Variants in VAC14 observed in about 807,000 individuals in gnomAD.
VAC14 encodes VAC14 component of PIKFYVE complex, also known as protein VAC14 homolog.
In VAC14, 47 loss-of-function variants were observed where a neutral mutation model predicts 85.3. That is an observed-to-expected ratio of 0.55 (90% CI 0.44 to 0.70). The LOEUF is 0.70. Among genes scored for constraint, VAC14 ranks in the 30% least tolerant of loss-of-function variants. VAC14 has a pLI of 0.00. For missense variants in VAC14, 861 were observed against 1,004.3 expected, an observed-to-expected ratio of 0.86 and a Z score of 1.93; for synonymous variants, 447 against 430.5, an observed-to-expected ratio of 1.04 and a Z score of -0.47.
chr16:70,723,930 C>G (rs941722346), intron 14 of VAC14, among the ~76,000 whole-genome samples: 1 of 152,186 alleles, frequency 6.6e-6, no homozygotes, highest in African/African-American at 2.4e-5. Flanking sequence ...TGGGGGTGAC[C>G]GCTGATTCAG....
rs897137130 is a variant in VAC14, at chr16:70,689,074, G to C, written c.2187-984C>G. The stretch of plus-strand genomic sequence containing the variant: ...AGATGCCAATCGGCGGGGCCGGGAA[G>C]GGGGGTGCAGGCACTGGCAGAGCAC... On this transcript the variant is annotated intron_variant, in intron 18 of 18. Transcript: ENST00000261776. 5 of 984,038 alleles carry C rather than the reference G, an allele frequency of 5.1e-6. No individual in the cohort carries two copies. The African/African-American group carries it at 5.2e-5, about 10-fold the overall frequency. The allele number at this position is 984,038 out of a possible 1,614,324, so 61.0% of individuals were successfully genotyped here. A position where few individuals can be genotyped will look rare whatever the true frequency, so the allele number is the denominator to read the frequency against.
chr16:70,753,732 A>AT (rs2031596184), intron 12 of VAC14, among the ~76,000 whole-genome samples: 1 of 152,170 alleles, frequency 6.6e-6, no homozygotes, highest in African/African-American at 2.4e-5. Context: ...AAGCAGCTGG[A>AT]TTTTAAAAGC....
At chr16:70,750,826 C>T (rs1425523843) in intron 12 of VAC14, among the ~76,000 whole-genome samples, 1 of 152,060 alleles carries the variant, frequency 6.6e-6, no homozygotes, top group African/African-American at 2.4e-5. Flanking sequence ...TAGGAGACCT[C>T]GGTGTGGAAA....
intron 14 of VAC14, among the ~76,000 whole-genome samples, chr16:70,701,517 G>A (rs966342697): frequency 2.6e-5 from 4 of 151,924 alleles, no homozygotes; most frequent in Non-Finnish European, 5.9e-5. Context: ...CAACCTACAC[G>A]GCCACCCTGC....
intron 12 of VAC14, 38 bp from the exon 13 acceptor site, chr16:70,744,617 G>C: frequency 1.3e-6 from 2 of 1,552,244 alleles, no homozygotes; most frequent in Non-Finnish European, 1.7e-6. Flanking sequence ...TGAGCTCTCC[G>C]CTGAGAGCTG....
chr16:70,689,668 T>C (rs893386753), intron 18 of VAC14: 5 of 985,494 alleles, frequency 5.1e-6, no homozygotes, highest in East Asian at 1.1e-4. Context: ...GGCTGCTGCT[T>C]TTCTGGGCCT....
At position 70,689,408 on chromosome 16, in the gene VAC14, G is replaced by A. The variant is rs115743713; in HGVS notation, c.2187-1318C>T. 1,715 of 985,360 alleles carry A rather than the reference G, an allele frequency of 1.7e-3. 2 individuals carry two copies. The highest frequency in any genetic ancestry group is 2.0e-3 in the Non-Finnish European group (1,619 of 829,846). The allele number at this position is 985,360 out of a possible 1,614,324, so 61.0% of individuals were successfully genotyped here. A position where few individuals can be genotyped will look rare whatever the true frequency, so the allele number is the denominator to read the frequency against. ...AGACAAAAAGGAGCTCCCCCAAAACGAACTCTTGGCCATGAGTTCAGTCCA... is the reference window on the plus strand; with the variant it reads ...AGACAAAAAGGAGCTCCCCCAAAACAAACTCTTGGCCATGAGTTCAGTCCA... On this transcript the variant is annotated intron_variant, in intron 18 of 18. Coordinates refer to ENST00000261776, the MANE Select transcript of VAC14 (RefSeq NM_018052.5).
intron 1 of VAC14, 103 bp downstream of exon 1, chr16:70,800,694 A>C (rs985899746): frequency 5.7e-6 from 6 of 1,045,812 alleles, no homozygotes; most frequent in Non-Finnish European, 7.1e-6. Context: ...TAAGGGCCTA[A>C]AACCTGGGAA....
intron 1 of VAC14, among the ~76,000 whole-genome samples, chr16:70,798,330 C>G (rs978080964): frequency 1.3e-5 from 2 of 152,226 alleles, no homozygotes; most frequent in Non-Finnish European, 2.9e-5. Flanking sequence ...AATATTCGGA[C>G]TCTTCTTTTG....
intron 14 of VAC14, among the ~76,000 whole-genome samples, chr16:70,706,256 T>G (rs2053918298): frequency 6.6e-6 from 1 of 152,236 alleles, no homozygotes; most frequent in Non-Finnish European, 1.5e-5. Context: ...CAGGTAGTCC[T>G]GGCTCCAGGT....
chr16:70,796,099 C>T (rs2143352472), intron 1 of VAC14, among the ~76,000 whole-genome samples: 1 of 152,318 alleles, frequency 6.6e-6, no homozygotes, highest in South Asian at 2.1e-4. Flanking sequence ...AAAATCCTAA[C>T]CTGACTGCCT....
intron 10 of VAC14, among the ~76,000 whole-genome samples, chr16:70,767,019 C>T (rs2032867151): frequency 6.6e-6 from 1 of 152,202 alleles, no homozygotes; most frequent in South Asian, 2.1e-4. Flanking sequence ...GTTTAAAATA[C>T]ATTTCTGCAT....
At chr16:70,743,597 C>CAA (rs2030575228) in intron 13 of VAC14, among the ~76,000 whole-genome samples, 1 of 152,168 alleles carries the variant, frequency 6.6e-6, no homozygotes, top group Non-Finnish European at 1.5e-5. Context: ...AACCAAACTC[C>CAA]GGACACACCA....
At chr16:70,793,378 T>C (rs964872087) in intron 1 of VAC14, among the ~76,000 whole-genome samples, 1 of 152,200 alleles carries the variant, frequency 6.6e-6, no homozygotes, top group Non-Finnish European at 1.5e-5. Flanking sequence ...TAAGTACCAT[T>C]ACACCCATTT....
At chr16:70,794,961 T>C (rs1021843659) in intron 1 of VAC14, among the ~76,000 whole-genome samples, 1 of 152,244 alleles carries the variant, frequency 6.6e-6, no homozygotes, top group Admixed American at 6.5e-5. Flanking sequence ...TACTATACTA[T>C]TTCTATGTTC....
chr16:70,783,895 G>C (rs1231949558), intron 5 of VAC14, among the ~76,000 whole-genome samples: 1 of 152,206 alleles, frequency 6.6e-6, no homozygotes, highest in African/African-American at 2.4e-5. Context: ...GAAAGAACTG[G>C]ACTCCCTTCC....
At chr16:70,754,653 C>A (rs1000048326) in intron 12 of VAC14, among the ~76,000 whole-genome samples, 18 of 152,154 alleles carry the variant, frequency 1.2e-4, no homozygotes, top group Admixed American at 3.9e-4. Context: ...CCATCAGTGC[C>A]CACCCAGCTC....
At chr16:70,707,263 C>T (rs777594477) in intron 14 of VAC14, among the ~76,000 whole-genome samples, 1 of 152,246 alleles carries the variant, frequency 6.6e-6, no homozygotes, top group African/African-American at 2.4e-5. Context: ...CCATGGTAAC[C>T]CTGCCAACTC....
At chr16:70,764,769 G>A (rs777182772) in intron 10 of VAC14, among the ~76,000 whole-genome samples, 4 of 152,254 alleles carry the variant, frequency 2.6e-5, no homozygotes, top group East Asian at 1.9e-4. Flanking sequence ...GGTGCACCTC[G>A]GTTCAGAGTA....
Sources: allele counts gnomAD v4.1 joint callset (sites outside exome capture counted in the v4.1 genomes callset), GRCh38; gene constraint gnomAD v4.1.1; transcripts MANE v1.5; gene names NCBI Gene and HGNC (gene_info 2026-07-23, HGNC 2026-07-21).